SYNE2: variants seen among roughly 807,000 people sequenced by gnomAD.
The protein encoded by SYNE2 is spectrin repeat containing nuclear envelope protein 2, also known as nesprin-2.
Under a neutral mutation model 856.3 loss-of-function variants are expected in SYNE2, and 431 were observed. The observed-to-expected ratio is 0.50, with a 90% CI of 0.47 to 0.55. The LOEUF is 0.55. SYNE2 is among the 20% of genes least tolerant of loss of function. The pLI is 0.00. For synonymous variants in SYNE2, 2,923 were observed against 2,872.3 expected (o/e 1.02, Z -0.56); for missense variants, 8,129 against 8,023.2 (o/e 1.01, Z -0.50).
intron 94 of SYNE2, among the ~76,000 whole-genome samples, chr14:64,171,179 A>G (rs2098408746): frequency 6.6e-6 from 1 of 152,218 alleles, no homozygotes; most frequent in Admixed American, 6.5e-5. Flanking sequence ...CAGGATTAGC[A>G]TAGGTGGTTG....
chr14:64,156,087 C>A lies in SYNE2; in HGVS notation c.15793-2538C>A, dbSNP rs572669699. Among the ~76,000 whole-genome samples the A allele has an allele frequency of 6.6e-5, 10 of 152,312 alleles. No individual in the cohort carries two copies. The South Asian group carries it at 2.1e-3, about 32-fold the overall frequency. Reference sequence around the variant, plus strand: ...TCAATAAATGCTGCCCTGCTGATGACCCCAGTTGGAACATTTTGAAAATAT... The same window carrying A: ...TCAATAAATGCTGCCCTGCTGATGAACCCAGTTGGAACATTTTGAAAATAT... On this transcript the variant is annotated intron_variant, in intron 85 of 115. Transcript: ENST00000555002.
intron 1 of SYNE2, among the ~76,000 whole-genome samples, chr14:63,901,959 A>G (rs138432575): frequency 9.0e-4 from 137 of 152,134 alleles, no homozygotes; most frequent in Middle Eastern, 6.8e-3. Context: ...CAAAACCCCC[A>G]AATAGCTTAT....
chr14:63,901,749 C>T lies in SYNE2; in HGVS notation c.-51-7349C>T, dbSNP rs867935537. 2.0e-5 allele frequency among the ~76,000 whole-genome samples: 3 copies of T among 152,242 alleles called. No individual in the cohort carries two copies. In the South Asian group the frequency reaches 6.2e-4, roughly 32 times the overall value. ...GACCAGCATGGGGAATATAGGGAGA[C>T]CCTGCCTCTACAGAAAATTTAAAAA... On this transcript the variant is annotated intron_variant, in intron 1 of 115. Transcript: ENST00000555002.
At position 64,049,643 on chromosome 14, in the gene SYNE2, A is replaced by C; in HGVS notation, c.7410A>C (p.Ala2470=). 6.2e-7 allele frequency: 1 copy of C among 1,614,156 alleles called. No individual in the cohort carries two copies. The highest frequency in any genetic ancestry group is 8.5e-7 in the Non-Finnish European group (1 of 1,180,020). ...KLYTQLEAKK[A]AIKPLEQTEC... is the part of the protein sequence containing the mutation. ...ATACCCAGTTGGAAGCAAAGAAAGC[A>C]GCCATTAAGCCACTGGAACAAACAG... Residue 2470 remains alanine, a synonymous_variant, in exon 47 of 116, where the codon GCA becomes GCC. Coordinates refer to ENST00000555002, the MANE Select transcript of SYNE2 (RefSeq NM_182914.3).
chr14:64,157,557 G>A lies in SYNE2; in HGVS notation c.15793-1068G>A, dbSNP rs569674060. 8.6e-5 allele frequency among the ~76,000 whole-genome samples: 13 copies of A among 151,228 alleles called. No homozygotes were observed. In the South Asian group the frequency reaches 2.7e-3, roughly 32 times the overall value. ...CGTGCTGCTATGAACATTTGTGTCA[G>A]GTTTTTATGTGAACATACGCTTTTA... On this transcript the variant is annotated intron_variant, in intron 85 of 115. Coordinates refer to ENST00000555002, the MANE Select transcript of SYNE2 (RefSeq NM_182914.3).
chr14:64,037,800 G>T (rs1468073291), intron 45 of SYNE2, among the ~76,000 whole-genome samples: 4 of 141,044 alleles, frequency 2.8e-5, no homozygotes, highest in Non-Finnish European at 6.3e-5. Flanking sequence ...CCGGGCAGAG[G>T]CGCCCCTCAC....
At chr14:64,093,507 T>G in intron 61 of SYNE2, 27 bp downstream of exon 61, 1 of 1,613,970 alleles carries the variant, frequency 6.2e-7, no homozygotes, top group Non-Finnish European at 8.5e-7. Flanking sequence ...CATAAAGGTA[T>G]GTTTCATTTG....
At chr14:64,152,780 G>T in intron 85 of SYNE2, 64 bp downstream of exon 85, 7 of 1,606,064 alleles carry the variant, frequency 4.4e-6, no homozygotes, top group Non-Finnish European at 6.0e-6. Context: ...ATTTGTCGTT[G>T]TAGTTGTTTT....
chr14:63,955,014 T>G, intron 8 of SYNE2, 99 bp downstream of exon 8: 1 of 995,744 alleles, frequency 1.0e-6, no homozygotes, highest in Non-Finnish European at 1.5e-6. Flanking sequence ...TGGCACTCTA[T>G]TTTAGTCCTG....
chr14:63,997,779 T>C (rs1355468210), intron 25 of SYNE2, among the ~76,000 whole-genome samples: 3 of 152,238 alleles, frequency 2.0e-5, no homozygotes, highest in Admixed American at 6.5e-5. Context: ...CATTATAATG[T>C]ATTTCATTTT....
intron 97 of SYNE2, among the ~76,000 whole-genome samples, chr14:64,187,236 C>T (rs974878365): frequency 6.6e-6 from 1 of 151,986 alleles, no homozygotes; most frequent in Non-Finnish European, 1.5e-5. Context: ...CAGAGAATTC[C>T]AACGAAAATA....
chr14:63,926,152 A>G (rs2095662256), intron 2 of SYNE2, among the ~76,000 whole-genome samples: 1 of 152,042 alleles, frequency 6.6e-6, no homozygotes, highest in Non-Finnish European at 1.5e-5. Flanking sequence ...CTAGGATTTT[A>G]GAACATTTTT....
Position 64,130,141 on chromosome 14 carries a change from C to T in SYNE2, c.14233C>T (p.Gln4745Ter). 3 of 1,614,102 alleles carry T rather than the reference C, an allele frequency of 1.9e-6. No homozygotes were observed. Among genetic ancestry groups the T allele is most frequent in the Non-Finnish European group, 2.5e-6 (3 of 1,179,986 alleles). The change falls in exon 76 of 116, where the codon CAA (glutamine) becomes TAA (stop). Residue 4745 changes from glutamine (Q) to a stop codon, truncating the protein, a stop_gained. Coordinates refer to ENST00000555002, the MANE Select transcript of SYNE2 (RefSeq NM_182914.3). LOFTEE classifies it high-confidence loss of function. ...VTESQQDALL[Q>*]GMVELVKIGK... ...TGAGAGCCAGCAAGATGCTTTGTTG[C>T]AAGGCATGGTGGAACTGGTGAAGAT...
chr14:64,134,680 T>C (rs556947492), intron 78 of SYNE2, among the ~76,000 whole-genome samples: 1 of 152,112 alleles, frequency 6.6e-6, no homozygotes, highest in Non-Finnish European at 1.5e-5. Context: ...TCACCAGCAT[T>C]ATAAAAACAT....
chr14:64,042,518 T>C (rs1193352372), intron 45 of SYNE2, among the ~76,000 whole-genome samples: 2 of 152,314 alleles, frequency 1.3e-5, no homozygotes, highest in Admixed American at 6.5e-5. Context: ...AATTCCGACA[T>C]GTCATGGGAG....
intron 65 of SYNE2, among the ~76,000 whole-genome samples, chr14:64,110,353 G>A (rs2153653913): frequency 6.6e-6 from 1 of 152,244 alleles, no homozygotes; most frequent in African/African-American, 2.4e-5. Context: ...TTCACCAACT[G>A]AAAAGTTAAC....
intron 30 of SYNE2, among the ~76,000 whole-genome samples, chr14:64,004,918 G>A (rs1287840439): frequency 6.6e-6 from 1 of 152,222 alleles, no homozygotes; most frequent in Non-Finnish European, 1.5e-5. Context: ...TAAGGAAGGA[G>A]GAGGGGATTG....
chr14:63,823,120 G>A (rs1889286478), intron 1 of SYNE2, among the ~76,000 whole-genome samples: 1 of 151,830 alleles, frequency 6.6e-6, no homozygotes, highest in South Asian at 2.1e-4. Flanking sequence ...AAATAAAAAA[G>A]AAAGAAATCT....
At chr14:64,140,107 T>A (rs1005319177) in intron 80 of SYNE2, 34 bp downstream of exon 80, 13 of 1,595,576 alleles carry the variant, frequency 8.1e-6, no homozygotes, top group Middle Eastern at 1.7e-4. Flanking sequence ...AGTTAATTAC[T>A]GGTCAGAAAT....
Sources: gnomAD v4.1 joint callset for allele counts (sites outside exome capture counted in the v4.1 genomes callset) on GRCh38, gnomAD v4.1.1 for gene constraint, MANE v1.5 for transcripts, NCBI Gene and HGNC (gene_info 2026-07-23, HGNC 2026-07-21) for gene names.